LTBP2: variants seen among roughly 807,000 people sequenced by gnomAD.
LTBP2 encodes latent-transforming growth factor beta-binding protein 2.
Under a neutral mutation model 210.6 loss-of-function variants are expected in LTBP2, and 103 were observed. The ratio of observed to expected loss-of-function variants is 0.49; its 90% CI spans 0.42 to 0.58. The LOEUF is 0.58. Among genes scored for constraint, LTBP2 ranks in the 20% least tolerant of loss-of-function variants. The pLI is 0.00. For synonymous variants in LTBP2, 1,007 were observed against 1,015.0 expected, an observed-to-expected ratio of 0.99 and a Z score of 0.15; for missense variants, 2,313 against 2,494.5, an observed-to-expected ratio of 0.93 and a Z score of 1.55.
chr14:74,511,262 T>C lies in LTBP2; in HGVS notation c.3011A>G (p.Gln1004Arg). The C allele has an allele frequency of 6.2e-7, 1 of 1,613,964 alleles. No homozygotes were observed. The highest frequency in any genetic ancestry group is 8.5e-7 in the Non-Finnish European group (1 of 1,179,968). ...GCCCTCACCTACACAGCTCCCACTC[T>C]GGCCCCGGTAGCCCTCCTCACAGGC... ...CLACEEGYRG[Q>R]SGSCVDVNEC... Residue 1004 changes from glutamine to arginine, a missense_variant, in exon 19 of 36, where the codon CAG becomes CGG. This residue lies in a region of LTBP2 where 1,867 missense variants were observed against 1,976.9 expected (regional missense o/e 0.94). Transcript: ENST00000261978.
chr14:74,515,313 G>A (rs548691949), intron 18 of LTBP2, among the ~76,000 whole-genome samples: 1 of 148,902 alleles, frequency 6.7e-6, no homozygotes, highest in Non-Finnish European at 1.5e-5. Context: ...CTGGAGTGCA[G>A]TGGCGTGATC....
rs371838056 is a variant in LTBP2, at chr14:74,502,341, G to A, written c.5170+312C>T. On this transcript the variant is annotated intron_variant, in intron 34 of 35. Transcript: ENST00000261978. ...GGTTATTCTGCAGCCTGTAGGTGGC[G>A]TGGAGGGAGAAAAAGACTGCAGTGA... Among the ~76,000 whole-genome samples, 180 of 152,304 alleles carry A rather than the reference G, an allele frequency of 1.2e-3. 1 individual carries two copies. The South Asian group carries it at 0.013, about 11-fold the overall frequency.
At chr14:74,599,356 TGCGTCCA>T (rs2088413676) in intron 2 of LTBP2, among the ~76,000 whole-genome samples, 2 of 147,644 alleles carry the variant, frequency 1.4e-5, no homozygotes, top group Middle Eastern at 3.4e-3. Flanking sequence ...CCAGCCCCTG[TGCGTCCA>T]GGCTGAGATA....
chr14:74,605,993 G>T (rs949890279), intron 1 of LTBP2, among the ~76,000 whole-genome samples: 1 of 144,182 alleles, frequency 6.9e-6, no homozygotes, highest in Non-Finnish European at 1.5e-5. Context: ...GTAACCAGCT[G>T]GGAATTCTGG....
chr14:74,549,233 G>T (rs1439250838), intron 8 of LTBP2, among the ~76,000 whole-genome samples: 1 of 152,256 alleles, frequency 6.6e-6, no homozygotes, highest in South Asian at 2.1e-4. Context: ...AGACTGGGGA[G>T]AGCATCGTGA....
intron 8 of LTBP2, among the ~76,000 whole-genome samples, chr14:74,546,702 C>T (rs888357940): frequency 7.9e-5 from 12 of 152,218 alleles, no homozygotes; most frequent in Non-Finnish European, 2.9e-5. Context: ...TCTGCACGCA[C>T]CTGATCCACA....
chr14:74,544,647 G>T (rs2884550), intron 8 of LTBP2, among the ~76,000 whole-genome samples: 2 of 152,006 alleles, frequency 1.3e-5, no homozygotes, highest in Non-Finnish European at 2.9e-5. Flanking sequence ...TCATGGGCAA[G>T]GGTCAGGACC....
chr14:74,579,077 G>A (rs550801178), intron 3 of LTBP2, among the ~76,000 whole-genome samples: 5 of 152,270 alleles, frequency 3.3e-5, no homozygotes, highest in African/African-American at 1.2e-4. Context: ...GGCTCGTCTC[G>A]AACTCCTGAC....
At chr14:74,589,713 C>T (rs1255542318) in intron 2 of LTBP2, among the ~76,000 whole-genome samples, 1 of 152,216 alleles carries the variant, frequency 6.6e-6, no homozygotes, top group Non-Finnish European at 1.5e-5. Flanking sequence ...CAGCTGGGGC[C>T]AGCCCAGCAG....
chr14:74,569,597 AG>A (rs1395143724), intron 3 of LTBP2, among the ~76,000 whole-genome samples: 1 of 152,184 alleles, frequency 6.6e-6, no homozygotes, highest in Non-Finnish European at 1.5e-5. Flanking sequence ...AGCTGTGCTG[AG>A]GGGCAGAGAT....
rs114550959 is a variant in LTBP2 at position 74,578,176 on chromosome 14, C to A, written c.830+7678G>T. The stretch of plus-strand genomic sequence containing the variant: ...CTGCATCCTGCCTCAGTTTCCCCAG[C>A]TATAAGCCCAGACAGTGAGGTGCAG... On this transcript the variant is annotated intron_variant, in intron 3 of 35. Transcript: ENST00000261978. Among the ~76,000 whole-genome samples the A allele has an allele frequency of 6.9e-3, 1,050 of 152,192 alleles. 14 individuals are homozygous for A. The highest frequency in any genetic ancestry group is 0.024 in the African/African-American group (1,012 of 41,532).
At position 74,600,476 on chromosome 14, in the gene LTBP2, C is replaced by G. The variant is rs28561396; in HGVS notation, c.565+3159G>C. Among the ~76,000 whole-genome samples the G allele has an allele frequency of 7.0e-3, 1,069 of 152,294 alleles. 10 individuals carry two copies. The highest frequency in any genetic ancestry group is 0.024 in the African/African-American group (1,008 of 41,570). On this transcript the variant is annotated intron_variant, in intron 2 of 35. Coordinates refer to ENST00000261978, the MANE Select transcript of LTBP2 (RefSeq NM_000428.3). ...ATGCCCCCACACACATGCACTGGTA[C>G]TGTAACAGTATGCAAACTCACTCAA... is the stretch of plus-strand genomic sequence containing the variant.
intron 1 of LTBP2, 42 bp from the exon 2 acceptor site, chr14:74,603,747 A>G: frequency 1.9e-6 from 3 of 1,551,682 alleles, no homozygotes; most frequent in Non-Finnish European, 2.7e-6. Context: ...GGATGCTCAG[A>G]GCTGGGGACT....
intron 19 of LTBP2, 100 bp downstream of exon 19, chr14:74,511,145 C>T: frequency 6.3e-7 from 1 of 1,583,518 alleles, no homozygotes; most frequent in Non-Finnish European, 8.6e-7. Flanking sequence ...AGCCTCCAAG[C>T]CACCTCCCTC....
At chr14:74,517,153 G>A (rs1228382639) in intron 17 of LTBP2, among the ~76,000 whole-genome samples, 1 of 152,146 alleles carries the variant, frequency 6.6e-6, no homozygotes, top group South Asian at 2.1e-4. Context: ...ATAAACCTGA[G>A]TTCCTTTCTC....
At chr14:74,576,763 A>G (rs1232897039) in intron 3 of LTBP2, among the ~76,000 whole-genome samples, 1 of 151,842 alleles carries the variant, frequency 6.6e-6, no homozygotes, top group Non-Finnish European at 1.5e-5. Flanking sequence ...CCTCTAAACT[A>G]TTTCCTCAAG....
chr14:74,580,959 A>T (rs12896725), intron 3 of LTBP2, among the ~76,000 whole-genome samples: 12,652 of 152,238 alleles, frequency 0.083, 736 homozygotes, highest in East Asian at 0.19. Context: ...TCTCAAAAAA[A>T]AATAATAATA....
intron 24 of LTBP2, 114 bp from the exon 25 acceptor site, chr14:74,508,209 T>C (rs1458219073): frequency 2.3e-5 from 31 of 1,363,614 alleles, no homozygotes; most frequent in Non-Finnish European, 2.9e-5. Context: ...GAGTGGCTTA[T>C]GTAGGAAAAG....
In LTBP2 at chr14:74,611,983, C is replaced by A. The variant is rs781239691; in HGVS notation, c.-39G>T. The A allele has an allele frequency of 2.6e-5, 39 of 1,516,948 alleles. No individual in the cohort carries two copies. Among genetic ancestry groups the A allele is most frequent in the Non-Finnish European group, 3.3e-5 (38 of 1,141,654 alleles). 94.0% of individuals were successfully genotyped at this position (1,516,948 alleles called of 1,614,324 possible). On this transcript the variant is annotated 5_prime_UTR_variant, in exon 1 of 36. Transcript: ENST00000261978. ...TGGAGAGTGGTGCGCGCGGGCACCG[C>A]GAAGAGCTTTGTGGTCGGCACGCTG...
Sources: gnomAD v4.1 joint callset for allele counts (sites outside exome capture counted in the v4.1 genomes callset) on GRCh38, gnomAD v4.1.1 for gene constraint, gnomAD v4.1.1 regional missense constraint, MANE v1.5 for transcripts, NCBI Gene and HGNC (gene_info 2026-07-23, HGNC 2026-07-21) for gene names.